Variants in CAMK1D observed in about 807,000 individuals in gnomAD.
CAMK1D encodes the protein calcium/calmodulin-dependent protein kinase type 1D.
Under a neutral mutation model 47.7 loss-of-function variants are expected in CAMK1D, and 9 were observed. That is an observed-to-expected ratio of 0.19 (90% CI 0.11 to 0.33). The LOEUF (loss-of-function observed/expected upper bound fraction) is 0.33, where lower values mean the gene tolerates loss of function less well. Ranked by LOEUF, CAMK1D falls within the 10% of genes least tolerant of loss-of-function variation. The pLI, the probability that CAMK1D is intolerant of heterozygous loss-of-function variation, is 1.00. For synonymous variants in CAMK1D, 184 were observed against 184.9 expected (o/e 0.99, Z 0.04); for missense variants, 291 against 488.7 (o/e 0.60, Z 3.81).
chr10:12,565,342 C>T (rs764553628), intron 2 of CAMK1D, among the ~76,000 whole-genome samples: 2 of 152,192 alleles, frequency 1.3e-5, no homozygotes, highest in Admixed American at 1.3e-4. Context: ...CTCCGCCTCC[C>T]AGGTTCAAGC....
intron 1 of CAMK1D, among the ~76,000 whole-genome samples, chr10:12,406,248 T>C (rs1220542210): frequency 2.6e-5 from 4 of 152,120 alleles, no homozygotes; most frequent in Non-Finnish European, 4.4e-5. Flanking sequence ...TCTGACTTGT[T>C]TCCAGATACC....
intron 5 of CAMK1D, among the ~76,000 whole-genome samples, chr10:12,774,501 C>A (rs1319149028): frequency 6.6e-6 from 1 of 152,056 alleles, no homozygotes; most frequent in Non-Finnish European, 1.5e-5. Flanking sequence ...GTATGTGGAC[C>A]AGGACTTGGA....
At position 12,436,535 on chromosome 10, in the gene CAMK1D, C is replaced by G. The variant is rs570430377; in HGVS notation, c.92+86625C>G. 1.7e-3 allele frequency among the ~76,000 whole-genome samples: 260 copies of G among 152,328 alleles called. 1 individual carries two copies. The highest frequency in any genetic ancestry group is 2.1e-3 in the Non-Finnish European group (141 of 68,034). The stretch of plus-strand genomic sequence containing the variant: ...TTGACTTCTGTGGGGTTTATGTTCA[C>G]TGGTGGCGAGGAGGTGATGGTAAAG... On this transcript the variant is annotated intron_variant, in intron 1 of 10. Transcript: ENST00000619168.
At chr10:12,645,424 CAT>C (rs1839785661) in intron 2 of CAMK1D, among the ~76,000 whole-genome samples, 1 of 152,142 alleles carries the variant, frequency 6.6e-6, no homozygotes, top group African/African-American at 2.4e-5. Context: ...GCTTAAGTGA[CAT>C]GTGGGATTCA....
chr10:12,517,733 G>C (rs1431395235), intron 1 of CAMK1D, among the ~76,000 whole-genome samples: 1 of 108,848 alleles, frequency 9.2e-6, no homozygotes, highest in Admixed American at 8.7e-5. Flanking sequence ...CGTAGTTGTG[G>C]TGTATTTTTT....
At chr10:12,470,890 G>A (rs1395967490) in intron 1 of CAMK1D, among the ~76,000 whole-genome samples, 2 of 152,170 alleles carry the variant, frequency 1.3e-5, no homozygotes, top group East Asian at 3.8e-4. Context: ...CACCACCTCT[G>A]TACTAAACCA....
chr10:12,452,488 A>G (rs1015932869), intron 1 of CAMK1D, among the ~76,000 whole-genome samples: 10 of 151,888 alleles, frequency 6.6e-5, no homozygotes, highest in African/African-American at 2.2e-4. Context: ...ATGTATAAAT[A>G]TACATTTATT....
At chr10:12,361,636 A>G (rs1239349680) in intron 1 of CAMK1D, among the ~76,000 whole-genome samples, 1 of 139,350 alleles carries the variant, frequency 7.2e-6, no homozygotes, top group Non-Finnish European at 1.5e-5. Flanking sequence ...GCTCACGGAA[A>G]CCTCTGCCTC....
At chr10:12,593,113 C>G (rs1564432987) in intron 2 of CAMK1D, among the ~76,000 whole-genome samples, 1 of 152,190 alleles carries the variant, frequency 6.6e-6, no homozygotes, top group African/African-American at 2.4e-5. Flanking sequence ...CTGATGTAGT[C>G]TAAAAGCAGC....
chr10:12,570,259 C>G (rs762349364), intron 2 of CAMK1D, among the ~76,000 whole-genome samples: 1 of 152,130 alleles, frequency 6.6e-6, no homozygotes, highest in Non-Finnish European at 1.5e-5. Flanking sequence ...GATTTGTCAT[C>G]TTTGAATTAC....
At chr10:12,801,931 G>T (rs936000150) in intron 6 of CAMK1D, among the ~76,000 whole-genome samples, 2 of 152,196 alleles carry the variant, frequency 1.3e-5, no homozygotes, top group African/African-American at 2.4e-5. Context: ...CTCTGCACCT[G>T]TGTCTCCTTT....
At chr10:12,573,381 A>C (rs75956788) in intron 2 of CAMK1D, among the ~76,000 whole-genome samples, 195 of 152,310 alleles carry the variant, frequency 1.3e-3, no homozygotes, top group Middle Eastern at 3.4e-3. Context: ...GTTGACTTAC[A>C]CTGGTGGGTT....
chr10:12,576,041 A>C (rs940098815), intron 2 of CAMK1D, among the ~76,000 whole-genome samples: 5 of 152,242 alleles, frequency 3.3e-5, no homozygotes. Flanking sequence ...TGAAATATTC[A>C]GTTTCATTGA....
chr10:12,680,606 T>G (rs551833667), intron 3 of CAMK1D, among the ~76,000 whole-genome samples: 3 of 152,164 alleles, frequency 2.0e-5, no homozygotes, highest in Non-Finnish European at 4.4e-5. Context: ...TAACGCATGT[T>G]GGTGATGATG....
chr10:12,550,662 T>C (rs568446420), intron 1 of CAMK1D, among the ~76,000 whole-genome samples: 60 of 152,240 alleles, frequency 3.9e-4, no homozygotes, highest in Non-Finnish European at 7.3e-4. Context: ...TGGCAGGTTC[T>C]AGAAGGTTTG....
intron 1 of CAMK1D, among the ~76,000 whole-genome samples, chr10:12,474,672 T>A (rs1833850389): frequency 6.6e-6 from 1 of 152,224 alleles, no homozygotes; most frequent in African/African-American, 2.4e-5. Context: ...GGGGGTTTGC[T>A]GTACAGATTT....
intron 2 of CAMK1D, among the ~76,000 whole-genome samples, chr10:12,592,553 C>A (rs1229414867): frequency 6.7e-6 from 1 of 148,978 alleles, no homozygotes; most frequent in Non-Finnish European, 1.5e-5. Flanking sequence ...GCCCACCCAA[C>A]CCCCCATTCT....
At chr10:12,645,137 G>A (rs1354742081) in intron 2 of CAMK1D, among the ~76,000 whole-genome samples, 2 of 152,026 alleles carry the variant, frequency 1.3e-5, no homozygotes, top group Admixed American at 1.3e-4. Flanking sequence ...GTGGTTGAAT[G>A]TTTCCATGAA....
At chr10:12,527,282 A>T (rs1364512803) in intron 1 of CAMK1D, among the ~76,000 whole-genome samples, 1 of 151,594 alleles carries the variant, frequency 6.6e-6, no homozygotes, top group Non-Finnish European at 1.5e-5. Context: ...TCCTCTGGCC[A>T]GAAAAGGGGG....
Sources: gnomAD v4.1 joint callset for allele counts (sites outside exome capture counted in the v4.1 genomes callset) on GRCh38, gnomAD v4.1.1 for gene constraint, MANE v1.5 for transcripts, NCBI Gene and HGNC (gene_info 2026-07-23, HGNC 2026-07-21) for gene names.